The following METTL16 variants were observed in gnomAD, a reference collection of about 807,000 sequenced individuals.
METTL16 encodes methyltransferase 16, RNA N6-adenosine.
Under a neutral mutation model 57.9 loss-of-function variants are expected in METTL16, and 19 were observed. The ratio of observed to expected loss-of-function variants is 0.33; its 90% CI spans 0.23 to 0.48. The LOEUF is 0.48. Ranked by LOEUF, METTL16 falls within the 20% of genes least tolerant of loss-of-function variation. The pLI is 0.99. For synonymous variants in METTL16, 246 were observed against 255.6 expected, an observed-to-expected ratio of 0.96 and a Z score of 0.36; for missense variants, 434 against 691.5, an observed-to-expected ratio of 0.63 and a Z score of 4.18.
chr17:2,489,732 CAAAAA>C (rs61506042), intron 2 of METTL16, among the ~76,000 whole-genome samples: 4 of 60,330 alleles, frequency 6.6e-5, no homozygotes, highest in Admixed American at 2.7e-4. Context: ...GAGCGAGACT[CAAAAA>C]AAAAAAAAAA....
Position 2,481,422 on chromosome 17 carries a change from T to C in METTL16, c.129-3537A>G, listed in dbSNP as rs570644572. Among the ~76,000 whole-genome samples, 272 of 152,184 alleles carry C rather than the reference T, an allele frequency of 1.8e-3. 1 individual carries two copies. Among genetic ancestry groups the C allele is most frequent in the South Asian group, 6.6e-3 (32 of 4,814 alleles). On this transcript the variant is annotated intron_variant, in intron 2 of 9. Coordinates refer to ENST00000263092, the MANE Select transcript of METTL16 (RefSeq NM_024086.4). Reference sequence around the variant, plus strand: ...CTAATTATGAAACAAACTGGTATTATATGCTTCAACGATACAGAGAAGAAG... The same window carrying C: ...CTAATTATGAAACAAACTGGTATTACATGCTTCAACGATACAGAGAAGAAG...
chr17:2,447,305 G>A (rs1382707398), intron 6 of METTL16, among the ~76,000 whole-genome samples: 8 of 143,914 alleles, frequency 5.6e-5, no homozygotes, highest in African/African-American at 2.0e-4. Flanking sequence ...GTCTCTGCCC[G>A]GCCGCCCCGT....
chr17:2,480,925 G>C (rs1378758738), intron 2 of METTL16, among the ~76,000 whole-genome samples: 1 of 152,146 alleles, frequency 6.6e-6, no homozygotes, highest in African/African-American at 2.4e-5. Context: ...ATATTGGGCT[G>C]GGCACGGCAG....
intron 8 of METTL16, 21 bp downstream of exon 8, chr17:2,438,088 C>A: frequency 2.5e-6 from 4 of 1,572,186 alleles, no homozygotes; most frequent in Non-Finnish European, 3.5e-6. Context: ...GGTGGTGAAG[C>A]GGAGCAAGGT....
In METTL16 at chr17:2,473,538, G is replaced by C. The variant is rs998615648; in HGVS notation, c.455C>G (p.Ser152Cys). ...GTGGCGCTAACCTTTTATGAGATCAGATAAGTTATTCTGTTCCACATTTTT... is the reference window on the plus strand; with the variant it reads ...GTGGCGCTAACCTTTTATGAGATCACATAAGTTATTCTGTTCCACATTTTT... Reference protein sequence around the residue: ...AKKNVEQNNLSDLIKVVKVPQ... With the variant: ...AKKNVEQNNLCDLIKVVKVPQ... The change falls in exon 4 of 10, where the codon TCT becomes TGT. Residue 152 changes from serine to cysteine, a missense_variant. Transcript: ENST00000263092. 2.5e-6 allele frequency: 4 copies of C among 1,613,356 alleles called. No homozygotes were observed. Among genetic ancestry groups the C allele is most frequent in the Non-Finnish European group, 3.4e-6 (4 of 1,179,882 alleles).
chr17:2,493,376 A>G (rs1453077433), intron 2 of METTL16, among the ~76,000 whole-genome samples: 6 of 149,984 alleles, frequency 4.0e-5, no homozygotes, highest in East Asian at 4.1e-4. Context: ...GGCAGCCACC[A>G]CACCCAGCCC....
intron 2 of METTL16, among the ~76,000 whole-genome samples, chr17:2,495,371 G>A (rs1351803062): frequency 2.0e-5 from 3 of 152,026 alleles, no homozygotes; most frequent in African/African-American, 7.2e-5. Flanking sequence ...ATTGATGAGA[G>A]GAGGTCATTA....
At chr17:2,494,146 A>G (rs1364606147) in intron 2 of METTL16, among the ~76,000 whole-genome samples, 3 of 152,092 alleles carry the variant, frequency 2.0e-5, no homozygotes, top group African/African-American at 7.2e-5. Flanking sequence ...CCTGGGTTCA[A>G]GTGATCCTCA....
intron 2 of METTL16, among the ~76,000 whole-genome samples, chr17:2,490,420 G>GT (rs2067379035): frequency 1.3e-5 from 2 of 152,088 alleles, no homozygotes; most frequent in Non-Finnish European, 2.9e-5. Context: ...ATGATTGTAT[G>GT]TAACTACAAC....
At position 2,502,907 on chromosome 17, in the gene METTL16, C is replaced by CA. The variant is rs531370250; in HGVS notation, c.1-577dup. Among the ~76,000 whole-genome samples, 11 of 151,634 alleles carry CA rather than the reference C, an allele frequency of 7.3e-5. No individual in the cohort carries two copies. In the East Asian group the frequency reaches 1.7e-3, roughly 24 times the overall value. On this transcript the variant is annotated intron_variant, in intron 1 of 9. Coordinates refer to ENST00000263092, the MANE Select transcript of METTL16 (RefSeq NM_024086.4). ...TACCCACTAGGATGGCTGCTGTCAACAAAAAAACAAAAATAAAAAATTAAA... is the reference window on the plus strand; with the variant it reads ...TACCCACTAGGATGGCTGCTGTCAACAAAAAAAACAAAAATAAAAAATTAAA...
chr17:2,465,882 CA>C (rs369274896), intron 5 of METTL16, among the ~76,000 whole-genome samples: 4,187 of 141,072 alleles, frequency 0.03, 201 homozygotes, highest in African/African-American at 0.1. Flanking sequence ...CCCCCGACCT[CA>C]AAAAAAAAAG....
intron 6 of METTL16, among the ~76,000 whole-genome samples, chr17:2,449,065 CT>C (rs1205362485): frequency 1.3e-5 from 2 of 150,670 alleles, no homozygotes; most frequent in Non-Finnish European, 3.0e-5. Flanking sequence ...AATAAATCAA[CT>C]GTATTTTCTT....
At chr17:2,449,247 T>C (rs2067050690) in intron 6 of METTL16, among the ~76,000 whole-genome samples, 1 of 152,200 alleles carries the variant, frequency 6.6e-6, no homozygotes, top group Admixed American at 6.6e-5. Flanking sequence ...GACTCATTAT[T>C]GTTAAGGTAT....
intron 5 of METTL16, among the ~76,000 whole-genome samples, 171 bp downstream of exon 5, chr17:2,467,590 T>C (rs1302923211): frequency 1.3e-5 from 2 of 152,190 alleles, no homozygotes; most frequent in Non-Finnish European, 2.9e-5. Context: ...GACGCCTGGC[T>C]AATTTTTTTG....
At chr17:2,455,353 C>T (rs1355378993) in intron 6 of METTL16, among the ~76,000 whole-genome samples, 1 of 152,176 alleles carries the variant, frequency 6.6e-6, no homozygotes, top group Non-Finnish European at 1.5e-5. Flanking sequence ...TCCCAAAGTG[C>T]CAGGATTACA....
intron 6 of METTL16, among the ~76,000 whole-genome samples, chr17:2,446,559 G>A (rs2066996601): frequency 6.6e-6 from 1 of 151,692 alleles, no homozygotes; most frequent in African/African-American, 2.4e-5. Flanking sequence ...AAGGTGGGTA[G>A]ATCACAAGGT....
intron 2 of METTL16, among the ~76,000 whole-genome samples, chr17:2,479,876 A>G (rs1004953810): frequency 3.9e-5 from 6 of 152,158 alleles, no homozygotes; most frequent in Admixed American, 2.6e-4. Context: ...CTTAGGTCTC[A>G]GTTTCTCCAC....
intron 6 of METTL16, among the ~76,000 whole-genome samples, chr17:2,456,810 A>C (rs898681970): frequency 1.3e-5 from 2 of 152,006 alleles, no homozygotes; most frequent in Non-Finnish European, 2.9e-5. Flanking sequence ...TATTTTTAAG[A>C]CATAGTTTCA....
intron 6 of METTL16, among the ~76,000 whole-genome samples, chr17:2,448,802 TAAAAAAAAAA>T (rs71150866): frequency 1.4e-4 from 6 of 43,642 alleles, no homozygotes; most frequent in Admixed American, 4.8e-4. Flanking sequence ...AAATAAAATT[TAAAAAAAAAA>T]AAAAAAAAAA....
Sources: gnomAD v4.1 joint callset for allele counts (sites outside exome capture counted in the v4.1 genomes callset) on GRCh38, gnomAD v4.1.1 for gene constraint, MANE v1.5 for transcripts, NCBI Gene and HGNC (gene_info 2026-07-23, HGNC 2026-07-21) for gene names.